Variants in DCC observed in about 807,000 individuals in gnomAD.
The protein encoded by DCC is netrin receptor DCC.
A neutral mutation model predicts 172.5 loss-of-function variants in DCC; 58 were observed. The ratio of observed to expected loss-of-function variants is 0.34; its 90% CI spans 0.27 to 0.42. The LOEUF (loss-of-function observed/expected upper bound fraction) is 0.42. Ranked by LOEUF, DCC falls within the 10% of genes least tolerant of loss-of-function variation. The pLI, the probability that DCC is intolerant of heterozygous loss-of-function variation, is 1.00. For missense variants in DCC, 1,740 were observed against 1,791.0 expected (o/e 0.97, Z 0.51); for synonymous variants, 709 against 644.5 (o/e 1.10, Z -1.52).
At chr18:53,283,447 G>A (rs909138812) in intron 12 of DCC, among the ~76,000 whole-genome samples, 3 of 151,936 alleles carry the variant, frequency 2.0e-5, no homozygotes, top group Non-Finnish European at 2.9e-5. Context: ...ATATAGGAAG[G>A]ACACGTTTAC....
At chr18:53,201,575 T>C (rs1568362083) in intron 9 of DCC, among the ~76,000 whole-genome samples, 2 of 152,220 alleles carry the variant, frequency 1.3e-5, no homozygotes, top group East Asian at 3.8e-4. Context: ...AGTATAAGCA[T>C]ACAAATTATT....
chr18:52,507,044 A>C (rs2031255212), intron 1 of DCC, among the ~76,000 whole-genome samples: 1 of 152,158 alleles, frequency 6.6e-6, no homozygotes, highest in Non-Finnish European at 1.5e-5. Flanking sequence ...TATATTGCAA[A>C]ATGCAAAATG....
chr18:52,371,417 G>A (rs1985117200), intron 1 of DCC, among the ~76,000 whole-genome samples: 1 of 152,192 alleles, frequency 6.6e-6, no homozygotes, highest in Non-Finnish European at 1.5e-5. Flanking sequence ...TGTGAAATAT[G>A]TTTAAGTAAG....
chr18:53,488,634 A>G (rs989596110), intron 26 of DCC, among the ~76,000 whole-genome samples: 1 of 152,156 alleles, frequency 6.6e-6, no homozygotes, highest in African/African-American at 2.4e-5. Flanking sequence ...TCTCTTATTG[A>G]ATCATGGGGA....
chr18:53,401,647 T>C (rs535249178), intron 18 of DCC, among the ~76,000 whole-genome samples: 1 of 113,786 alleles, frequency 8.8e-6, no homozygotes, highest in East Asian at 2.3e-4. Flanking sequence ...CTACACAGAA[T>C]TTTTATGTGG....
intron 3 of DCC, among the ~76,000 whole-genome samples, chr18:52,909,667 G>C (rs189780574): frequency 4.1e-4 from 63 of 152,286 alleles, no homozygotes; most frequent in East Asian, 3.3e-3. Context: ...TGGTTTTAAA[G>C]TGCTGTCTTT....
intron 1 of DCC, among the ~76,000 whole-genome samples, chr18:52,704,412 A>T (rs1599033072): frequency 6.6e-6 from 1 of 152,236 alleles, no homozygotes; most frequent in African/African-American, 2.4e-5. Flanking sequence ...TTCAAAAGCA[A>T]TCACTGTAAT....
intron 5 of DCC, among the ~76,000 whole-genome samples, chr18:53,061,081 C>A (rs1408181456): frequency 6.6e-6 from 1 of 152,064 alleles, no homozygotes; most frequent in Non-Finnish European, 1.5e-5. Context: ...ATTTATCATG[C>A]AATTATGCAC....
intron 9 of DCC, among the ~76,000 whole-genome samples, chr18:53,204,482 G>A (rs1360409350): frequency 6.6e-6 from 1 of 151,876 alleles, no homozygotes; most frequent in African/African-American, 2.4e-5. Context: ...AGGAGTTCAA[G>A]GTTGCAGTGA....
In DCC at chr18:53,459,480, T is replaced by C. The variant is rs758184199; in HGVS notation, c.3619+22T>C. On this transcript the variant is annotated intron_variant, in intron 24 of 28. Coordinates refer to ENST00000442544, the MANE Select transcript of DCC (RefSeq NM_005215.4). ...TCAGGTAATTATCTTTTCACTGGCA[T>C]TAGGGAAAACATACCATTCTGAACC... The C allele has an allele frequency of 1.0e-5, 15 of 1,469,644 alleles. No homozygotes were observed. In the East Asian group the frequency reaches 3.2e-4, roughly 31 times the overall value. The allele number at this position is 1,469,644 out of a possible 1,614,324, so 91.0% of individuals were successfully genotyped here. A position where few individuals can be genotyped will look rare whatever the true frequency, so the allele number is the denominator to read the frequency against.
chr18:53,407,155 C>T (rs1212408364), intron 19 of DCC, among the ~76,000 whole-genome samples: 2 of 152,058 alleles, frequency 1.3e-5, no homozygotes, highest in East Asian at 1.9e-4. Flanking sequence ...TGAGGAGACT[C>T]GGGAATCAGT....
At chr18:52,523,447 T>C (rs1312884972) in intron 1 of DCC, among the ~76,000 whole-genome samples, 1 of 152,208 alleles carries the variant, frequency 6.6e-6, no homozygotes, top group Non-Finnish European at 1.5e-5. Flanking sequence ...TAAACAAACT[T>C]GTTTATGTAG....
intron 14 of DCC, among the ~76,000 whole-genome samples, chr18:53,326,578 A>G (rs370778103): frequency 3.9e-5 from 6 of 152,362 alleles, no homozygotes; most frequent in African/African-American, 1.4e-4. Flanking sequence ...ACTGGTAGGT[A>G]CAAAAGAACA....
chr18:53,330,851 C>T (rs1398826994), intron 14 of DCC, among the ~76,000 whole-genome samples: 4 of 152,196 alleles, frequency 2.6e-5, no homozygotes, highest in Non-Finnish European at 4.4e-5. Flanking sequence ...TTTCTCTAAA[C>T]ACATTTTGAC....
At chr18:53,306,220 G>T (rs2057198645) in intron 13 of DCC, among the ~76,000 whole-genome samples, 1 of 152,110 alleles carries the variant, frequency 6.6e-6, no homozygotes, top group East Asian at 1.9e-4. Flanking sequence ...ATTCAGAGTA[G>T]ATCAACCTTC....
At chr18:52,433,627 G>T (rs930130499) in intron 1 of DCC, among the ~76,000 whole-genome samples, 1 of 152,156 alleles carries the variant, frequency 6.6e-6, no homozygotes, top group East Asian at 1.9e-4. Flanking sequence ...GTATGTATTT[G>T]TTGTAGTTGA....
chr18:52,892,628 A>G (rs1045378993), intron 2 of DCC: 2 of 152,152 alleles, frequency 1.3e-5, no homozygotes, highest in Non-Finnish European at 2.9e-5. Context: ...TTCAGACTAT[A>G]AACTTTAGCG....
intron 9 of DCC, among the ~76,000 whole-genome samples, chr18:53,189,688 T>G (rs921713150): frequency 2.6e-5 from 4 of 152,196 alleles, no homozygotes; most frequent in Non-Finnish European, 4.4e-5. Context: ...ATTCTAACCC[T>G]GCCTTGTAAG....
intron 2 of DCC, among the ~76,000 whole-genome samples, chr18:52,826,092 T>TA (rs2038503967): frequency 6.6e-6 from 1 of 152,236 alleles, no homozygotes; most frequent in Non-Finnish European, 1.5e-5. Flanking sequence ...TCTTCATGAC[T>TA]ACCCTCAAAA....
Sources: gnomAD v4.1 joint callset for allele counts (sites outside exome capture counted in the v4.1 genomes callset) on GRCh38, gnomAD v4.1.1 for gene constraint, MANE v1.5 for transcripts, NCBI Gene and HGNC (gene_info 2026-07-23, HGNC 2026-07-21) for gene names.